The following CNTN4 variants were observed in gnomAD, a reference collection of about 807,000 sequenced individuals.
The protein encoded by CNTN4 is contactin 4, also known as contactin-4.
In CNTN4, 77 loss-of-function variants were observed where a neutral mutation model predicts 122.5. The ratio of observed to expected loss-of-function variants is 0.63; its 90% CI spans 0.52 to 0.76. The LOEUF (loss-of-function observed/expected upper bound fraction) is 0.76, where lower values mean the gene tolerates loss of function less well. Ranked by LOEUF, CNTN4 falls within the 30% of genes least tolerant of loss-of-function variation. The pLI is 0.00. For missense variants in CNTN4, 1,256 were observed against 1,259.1 expected, an observed-to-expected ratio of 1.00 and a Z score of 0.04; for synonymous variants, 512 against 447.0, an observed-to-expected ratio of 1.15 and a Z score of -1.83.
At chr3:2,754,887 A>C (rs2149636791) in intron 6 of CNTN4, among the ~76,000 whole-genome samples, 1 of 152,320 alleles carries the variant, frequency 6.6e-6, no homozygotes, top group Middle Eastern at 3.4e-3. Flanking sequence ...TTGAATAAAC[A>C]GCAACTGATT....
chr3:2,760,256 A>C (rs1329897994), intron 6 of CNTN4, among the ~76,000 whole-genome samples: 1 of 152,186 alleles, frequency 6.6e-6, no homozygotes, highest in Non-Finnish European at 1.5e-5. Flanking sequence ...GCCTAATCCA[A>C]GGTGACAAAA....
intron 2 of CNTN4, among the ~76,000 whole-genome samples, chr3:2,177,556 T>C (rs2036807298): frequency 6.6e-6 from 1 of 152,050 alleles, no homozygotes; most frequent in Admixed American, 6.6e-5. Context: ...CTTCCAGTCA[T>C]TTTCCTTTGC....
At chr3:2,282,994 C>A (rs2149911276) in intron 2 of CNTN4, among the ~76,000 whole-genome samples, 1 of 152,134 alleles carries the variant, frequency 6.6e-6, no homozygotes, top group African/African-American at 2.4e-5. Flanking sequence ...GAGCCAGGTA[C>A]AGAGGGGAAT....
At position 3,030,883 on chromosome 3, in the gene CNTN4, G is replaced by C; in HGVS notation, c.1691G>C (p.Arg564Pro). The C allele has an allele frequency of 6.2e-7, 1 of 1,614,020 alleles. No homozygotes were observed. Among genetic ancestry groups the C allele is most frequent in the Non-Finnish European group, 8.5e-7 (1 of 1,179,920 alleles). Residue 564 changes from arginine to proline, a missense_variant, in exon 16 of 25, where the codon CGA (arginine) becomes CCA (proline). Arg to Pro is a moderately radical substitution (Grantham distance 103, BLOSUM62 -2). Coordinates refer to ENST00000418658, the MANE Select transcript of CNTN4 (RefSeq NM_175607.3). Reference sequence around the variant, plus strand: ...GATTCAGCTGGTGATTTGATGATCCGAAACATCCAACTGAAGCATGCTGGG... The same window carrying C: ...GATTCAGCTGGTGATTTGATGATCCCAAACATCCAACTGAAGCATGCTGGG... Reference protein sequence around the residue: ...GQDSAGDLMIRNIQLKHAGKY... With the variant: ...GQDSAGDLMIPNIQLKHAGKY...
intron 4 of CNTN4, among the ~76,000 whole-genome samples, chr3:2,638,396 T>A (rs1030034534): frequency 6.6e-6 from 1 of 152,138 alleles, no homozygotes; most frequent in Non-Finnish European, 1.5e-5. Flanking sequence ...GCCTTAAACC[T>A]CTTTAAGCCC....
chr3:2,373,032 G>A (rs775971193), intron 3 of CNTN4, among the ~76,000 whole-genome samples: 6 of 152,192 alleles, frequency 3.9e-5, no homozygotes, highest in Non-Finnish European at 5.9e-5. Context: ...GGGCAACACA[G>A]TAAGACTCTG....
intron 24 of CNTN4, among the ~76,000 whole-genome samples, chr3:3,055,286 ACTTT>A (rs1701683067): frequency 6.6e-6 from 1 of 152,086 alleles, no homozygotes. Context: ...TAAAAATCTG[ACTTT>A]ATACTTCATA....
chr3:3,030,738 C>T (rs752088403), intron 15 of CNTN4, 117 bp from the exon 16 acceptor site: 1 of 1,233,612 alleles, frequency 8.1e-7, no homozygotes, highest in Non-Finnish European at 1.2e-6. Flanking sequence ...GTTTGCATCA[C>T]TAATGCTTTC....
intron 2 of CNTN4, among the ~76,000 whole-genome samples, chr3:2,270,240 C>T (rs113635888): frequency 0.4 from 20,149 of 50,402 alleles, 7,646 homozygotes; most frequent in Non-Finnish European, 0.59. Flanking sequence ...TGAGCCACCG[C>T]GCCCGGCCTA....
At chr3:3,045,112 G>A (rs1329442106) in intron 23 of CNTN4, among the ~76,000 whole-genome samples, 1 of 152,204 alleles carries the variant, frequency 6.6e-6, no homozygotes, top group African/African-American at 2.4e-5. Context: ...CATTGCTGAG[G>A]CTTGAGTAGG....
intron 3 of CNTN4, among the ~76,000 whole-genome samples, chr3:2,386,903 C>T (rs1575523056): frequency 6.6e-6 from 1 of 152,122 alleles, no homozygotes; most frequent in African/African-American, 2.4e-5. Context: ...TAAGCGCATT[C>T]AATTTAGAGA....
intron 23 of CNTN4, among the ~76,000 whole-genome samples, chr3:3,046,590 T>A (rs1700682186): frequency 6.6e-6 from 1 of 152,094 alleles, no homozygotes; most frequent in Non-Finnish European, 1.5e-5. Context: ...AGAGATTTTG[T>A]CACCACCAGG....
At chr3:2,189,944 T>C (rs2037448992) in intron 2 of CNTN4, among the ~76,000 whole-genome samples, 1 of 152,180 alleles carries the variant, frequency 6.6e-6, no homozygotes. Flanking sequence ...CTCAAATCAG[T>C]TGTGACACAA....
chr3:2,908,662 T>C (rs1416431119), intron 12 of CNTN4, among the ~76,000 whole-genome samples: 1 of 152,210 alleles, frequency 6.6e-6, no homozygotes, highest in Non-Finnish European at 1.5e-5. Context: ...ACCTCTTAAG[T>C]GGGGTTCCAG....
At chr3:2,628,932 G>GC (rs2082310746) in intron 4 of CNTN4, among the ~76,000 whole-genome samples, 2 of 152,162 alleles carry the variant, frequency 1.3e-5, no homozygotes, top group Admixed American at 6.5e-5. Context: ...CAGTTGTGTG[G>GC]CAAATAGGTT....
intron 3 of CNTN4, among the ~76,000 whole-genome samples, chr3:2,457,199 ATTG>A (rs1329672651): frequency 6.6e-6 from 1 of 152,090 alleles, no homozygotes; most frequent in East Asian, 1.9e-4. Context: ...CATACTTTCA[ATTG>A]TTGTGTTTCC....
At position 2,586,781 on chromosome 3, in the gene CNTN4, C is replaced by T. The variant is rs111692210; in HGVS notation, c.55+15223C>T. On this transcript the variant is annotated intron_variant, in intron 4 of 24. Transcript: ENST00000418658. ...CATTGCTTTATTTCTGTAACTGCAA[C>T]CACACTGTAGTGATTTCTGCTTTCC... 1.8e-4 allele frequency among the ~76,000 whole-genome samples: 28 copies of T among 152,282 alleles called. 2 individuals carry two copies. The highest frequency in any genetic ancestry group is 6.5e-4 in the African/African-American group (27 of 41,556).
intron 14 of CNTN4, among the ~76,000 whole-genome samples, chr3:3,015,253 T>C (rs1697635882): frequency 6.6e-6 from 1 of 152,074 alleles, no homozygotes; most frequent in Non-Finnish European, 1.5e-5. Context: ...CTAATATCTA[T>C]TAATAGTTGC....
intron 4 of CNTN4, among the ~76,000 whole-genome samples, chr3:2,729,561 AAAG>A (rs1473811890): frequency 6.6e-6 from 1 of 150,558 alleles, no homozygotes; most frequent in African/African-American, 2.4e-5. Flanking sequence ...AAAAAAAAAA[AAAG>A]AAGAGAAAAG....
Sources: allele counts gnomAD v4.1 joint callset (sites outside exome capture counted in the v4.1 genomes callset), GRCh38; gene constraint gnomAD v4.1.1; transcripts MANE v1.5; gene names NCBI Gene and HGNC (gene_info 2026-07-23, HGNC 2026-07-21).